Variants in HHAT observed in about 807,000 individuals in gnomAD.
The protein encoded by HHAT is protein-cysteine N-palmitoyltransferase HHAT.
Under a neutral mutation model 70.8 loss-of-function variants are expected in HHAT, and 47 were observed. The ratio of observed to expected loss-of-function variants is 0.66; its 90% CI spans 0.53 to 0.85. HHAT has a LOEUF of 0.85. Among genes scored for constraint, HHAT ranks in the 40% least tolerant of loss-of-function variants. HHAT has a pLI of 0.00. For synonymous variants in HHAT, 228 were observed against 247.6 expected (o/e 0.92, Z 0.74); for missense variants, 609 against 604.8 (o/e 1.01, Z -0.07).
chr1:210,660,041 TC>T (rs1195702750), intron 11 of HHAT, among the ~76,000 whole-genome samples: 1 of 152,154 alleles, frequency 6.6e-6, no homozygotes. Context: ...CCACTCCTAT[TC>T]AACATAGTGT....
chr1:210,653,110 TAGAA>T (rs1441324258), intron 11 of HHAT, among the ~76,000 whole-genome samples: 2 of 151,038 alleles, frequency 1.3e-5, no homozygotes, highest in Non-Finnish European at 3.0e-5. Flanking sequence ...ACTAAGCCAT[TAGAA>T]AGATCAAAAC....
intron 1 of HHAT, among the ~76,000 whole-genome samples, chr1:210,342,291 T>C (rs2086108608): frequency 6.6e-6 from 1 of 152,086 alleles, no homozygotes; most frequent in Admixed American, 6.5e-5. Context: ...CTGCAGGAAA[T>C]AAAATTTAAA....
At chr1:210,445,284 C>T (rs2093612904) in intron 7 of HHAT, among the ~76,000 whole-genome samples, 1 of 152,202 alleles carries the variant, frequency 6.6e-6, no homozygotes, top group Non-Finnish European at 1.5e-5. Context: ...AGATAATCTA[C>T]AAGGATTTGC....
chr1:210,577,210 C>G (rs559819971), intron 9 of HHAT, among the ~76,000 whole-genome samples: 1 of 151,892 alleles, frequency 6.6e-6, no homozygotes, highest in Non-Finnish European at 1.5e-5. Context: ...CTAGTATTTC[C>G]AATACTATGT....
At chr1:210,475,509 T>C (rs1485942456) in intron 8 of HHAT, among the ~76,000 whole-genome samples, 2 of 152,162 alleles carry the variant, frequency 1.3e-5, no homozygotes, top group African/African-American at 4.8e-5. Context: ...GGTTTTTACC[T>C]CCACCTACAT....
chr1:210,495,236 TATATA>T (rs1459941106), intron 8 of HHAT, among the ~76,000 whole-genome samples: 2 of 150,978 alleles, frequency 1.3e-5, no homozygotes, highest in African/African-American at 4.8e-5. Flanking sequence ...ACATCTATAA[TATATA>T]ATACATGCTT....
intron 8 of HHAT, among the ~76,000 whole-genome samples, chr1:210,472,003 T>C (rs527925088): frequency 6.2e-4 from 95 of 152,284 alleles, no homozygotes; most frequent in Non-Finnish European, 1.1e-3. Context: ...TGGACAAATA[T>C]TAAGAACAAG....
At chr1:210,498,920 T>G (rs2094702285) in intron 8 of HHAT, among the ~76,000 whole-genome samples, 1 of 151,988 alleles carries the variant, frequency 6.6e-6, no homozygotes, top group Non-Finnish European at 1.5e-5. Context: ...TAGGTGCCCA[T>G]GACCGTGCCT....
intron 8 of HHAT, among the ~76,000 whole-genome samples, chr1:210,481,591 T>C (rs1306570436): frequency 6.6e-6 from 1 of 152,318 alleles, no homozygotes; most frequent in Non-Finnish European, 1.5e-5. Context: ...AGCTAAAGCA[T>C]GGAGGTGGCA....
intron 11 of HHAT, among the ~76,000 whole-genome samples, chr1:210,660,632 G>C (rs542577777): frequency 2.0e-5 from 3 of 152,254 alleles, no homozygotes; most frequent in African/African-American, 7.2e-5. Context: ...AAAGAACAAA[G>C]CTGGAGGCAT....
upstream of HHAT, among the ~76,000 whole-genome samples, chr1:210,327,581 C>A (rs977004222): frequency 7.9e-5 from 12 of 152,160 alleles, no homozygotes; most frequent in Admixed American, 2.6e-4. Context: ...TCTGAGCTCA[C>A]TGCAACCTCT....
chr1:210,615,028 A>T (rs1004566519), intron 10 of HHAT, among the ~76,000 whole-genome samples: 15 of 152,208 alleles, frequency 9.9e-5, no homozygotes, highest in African/African-American at 2.7e-4. Context: ...AGTCCCACCA[A>T]CAGTGTAATA....
Position 210,362,834 on chromosome 1 carries a change from CTTT to C in HHAT, c.92-9_92-7del. 2 of 1,211,246 alleles carry C rather than the reference CTTT, an allele frequency of 1.7e-6. No individual in the cohort carries two copies. Among genetic ancestry groups the C allele is most frequent in the South Asian group, 1.4e-5 (1 of 69,518 alleles). 75.0% of individuals were successfully genotyped at this position (1,211,246 alleles called of 1,614,324 possible). ...TGTTTAGATTTGTGACTAACGAAGA[CTTT>C]TTTTTTTTGGTCAGAACACGAAGAG... On this transcript the variant is annotated splice_polypyrimidine_tract_variant and intron_variant, in intron 2 of 11. Transcript: ENST00000261458.
intron 3 of HHAT, among the ~76,000 whole-genome samples, chr1:210,367,106 T>C (rs919882716): frequency 6.6e-6 from 1 of 152,210 alleles, no homozygotes; most frequent in African/African-American, 2.4e-5. Context: ...TGGCCACAGA[T>C]TGAGCTAAAT....
rs528794340 is a variant in HHAT at position 210,420,537 on chromosome 1, C to T, written c.856+2212C>T. 3.3e-5 allele frequency among the ~76,000 whole-genome samples: 5 copies of T among 152,238 alleles called. No homozygotes were observed. In the East Asian group the frequency reaches 9.6e-4, roughly 29 times the overall value. The stretch of plus-strand genomic sequence containing the variant: ...GGCACATTACCCACAGTAAGAAATA[C>T]ATTTTGCCCTAATGCTAAATAACGA... On this transcript the variant is annotated intron_variant, in intron 7 of 11. Transcript: ENST00000261458.
At chr1:210,534,707 C>CA (rs2095352367) in intron 9 of HHAT, among the ~76,000 whole-genome samples, 1 of 152,158 alleles carries the variant, frequency 6.6e-6, no homozygotes, top group South Asian at 2.1e-4. Flanking sequence ...TGCATTTGGA[C>CA]AGTGGCCTGA....
intron 8 of HHAT, among the ~76,000 whole-genome samples, chr1:210,471,630 C>T (rs892976375): frequency 6.6e-6 from 1 of 152,102 alleles, no homozygotes; most frequent in Non-Finnish European, 1.5e-5. Flanking sequence ...ATAGCCCAAA[C>T]TCTAGTAATA....
intron 7 of HHAT, among the ~76,000 whole-genome samples, chr1:210,463,836 C>T (rs977817418): frequency 4.6e-5 from 7 of 152,174 alleles, no homozygotes; most frequent in Non-Finnish European, 1.0e-4. Context: ...CTTTTCGATT[C>T]TAGTTATCCT....
chr1:210,374,054 C>G (rs74411825), intron 3 of HHAT: 1 of 152,008 alleles, frequency 6.6e-6, no homozygotes. Context: ...TTTGCAAGTT[C>G]TGTTACACAA....
Sources: allele counts gnomAD v4.1 joint callset (sites outside exome capture counted in the v4.1 genomes callset), GRCh38; gene constraint gnomAD v4.1.1; transcripts MANE v1.5; gene names NCBI Gene and HGNC (gene_info 2026-07-23, HGNC 2026-07-21).